Variants in PLCB4 observed in about 807,000 individuals in gnomAD.
The protein encoded by PLCB4 is 1-phosphatidylinositol 4,5-bisphosphate phosphodiesterase beta-4.
PLCB4 carries 77 observed loss-of-function variants against 178.8 expected under a neutral mutation model. That is an observed-to-expected ratio of 0.43 (90% CI 0.36 to 0.52). PLCB4 has a LOEUF of 0.52. Among genes scored for constraint, PLCB4 ranks in the 20% least tolerant of loss-of-function variants. PLCB4 has a pLI of 0.00. For missense variants in PLCB4, 1,024 were observed against 1,453.4 expected, an observed-to-expected ratio of 0.70 and a Z score of 4.80; for synonymous variants, 496 against 490.8, an observed-to-expected ratio of 1.01 and a Z score of -0.14.
At chr20:9,424,630 T>G (rs1190028911) in intron 28 of PLCB4, among the ~76,000 whole-genome samples, 1 of 152,208 alleles carries the variant, frequency 6.6e-6, no homozygotes, top group Non-Finnish European at 1.5e-5. Flanking sequence ...TACTCTCCAC[T>G]GCTGGCAGGG....
chr20:9,256,232 G>A (rs1677070998), intron 3 of PLCB4, among the ~76,000 whole-genome samples: 1 of 152,152 alleles, frequency 6.6e-6, no homozygotes, highest in African/African-American at 2.4e-5. Flanking sequence ...AGGCAGTCCA[G>A]AGCTGGTTCA....
intron 3 of PLCB4, among the ~76,000 whole-genome samples, chr20:9,288,708 A>G (rs1439682999): frequency 6.6e-6 from 1 of 152,024 alleles, no homozygotes; most frequent in Non-Finnish European, 1.5e-5. Context: ...CCACATGTGG[A>G]AAGAGGATCA....
chr20:9,142,994 C>G (rs531986450), intron 2 of PLCB4, among the ~76,000 whole-genome samples: 1 of 152,308 alleles, frequency 6.6e-6, no homozygotes, highest in East Asian at 1.9e-4. Context: ...CTTACACACA[C>G]TGGGCATGGC....
At chr20:9,301,275 C>G (rs1030696020) in intron 3 of PLCB4, among the ~76,000 whole-genome samples, 3 of 151,808 alleles carry the variant, frequency 2.0e-5, no homozygotes, top group Non-Finnish European at 2.9e-5. Context: ...TTTTGGGGGC[C>G]ATTTATTCAG....
intron 2 of PLCB4, among the ~76,000 whole-genome samples, chr20:9,197,878 G>C (rs1386830146): frequency 2.0e-5 from 3 of 152,178 alleles, no homozygotes; most frequent in Non-Finnish European, 2.9e-5. Context: ...GGGAGGCTGA[G>C]GCAGGAGAAT....
At chr20:9,301,770 T>C (rs1232231750) in intron 3 of PLCB4, among the ~76,000 whole-genome samples, 1 of 152,098 alleles carries the variant, frequency 6.6e-6, no homozygotes, top group Admixed American at 6.5e-5. Context: ...CAAGACCTTC[T>C]AGGACTCCCC....
chr20:9,222,679 AC>A (rs2093814483), intron 3 of PLCB4, among the ~76,000 whole-genome samples: 1 of 152,196 alleles, frequency 6.6e-6, no homozygotes, highest in South Asian at 2.1e-4. Context: ...TGGAGGTTTT[AC>A]CTTTTTTTGT....
intron 2 of PLCB4, among the ~76,000 whole-genome samples, chr20:9,170,948 C>T (rs140147585): frequency 1.2e-3 from 181 of 152,240 alleles, no homozygotes; most frequent in African/African-American, 4.1e-3. Context: ...ATGAGTTATA[C>T]CAGCACCATA....
At chr20:9,389,301 ACC>A (rs916772387) in intron 15 of PLCB4, among the ~76,000 whole-genome samples, 1 of 152,150 alleles carries the variant, frequency 6.6e-6, no homozygotes, top group Admixed American at 6.5e-5. Flanking sequence ...ACCAACGAGA[ACC>A]CCTTCCCCCG....
At chr20:9,305,561 TA>T (rs1202230441) in intron 3 of PLCB4, among the ~76,000 whole-genome samples, 6 of 152,286 alleles carry the variant, frequency 3.9e-5, no homozygotes, top group Non-Finnish European at 7.4e-5. Flanking sequence ...CATAGTACAA[TA>T]AAACTTAAGA....
intron 3 of PLCB4, among the ~76,000 whole-genome samples, chr20:9,251,888 A>G (rs1285974233): frequency 6.6e-6 from 1 of 152,214 alleles, no homozygotes; most frequent in Non-Finnish European, 1.5e-5. Context: ...TTATTAACCA[A>G]TATATTCATA....
intron 2 of PLCB4, among the ~76,000 whole-genome samples, chr20:9,126,205 AGTT>A (rs1169159072): frequency 6.6e-6 from 1 of 152,160 alleles, no homozygotes; most frequent in Non-Finnish European, 1.5e-5. Context: ...TTATTTAACA[AGTT>A]GTCTAATATT....
intron 2 of PLCB4, among the ~76,000 whole-genome samples, chr20:9,207,013 G>A (rs552678791): frequency 1.4e-4 from 21 of 152,256 alleles, no homozygotes; most frequent in African/African-American, 5.1e-4. Context: ...CTACTCGGGA[G>A]GCTGAGGCAG....
intron 2 of PLCB4, among the ~76,000 whole-genome samples, chr20:9,147,023 CT>C (rs2092610186): frequency 6.6e-6 from 1 of 152,074 alleles, no homozygotes; most frequent in African/African-American, 2.4e-5. Context: ...TGTTAATTTG[CT>C]TTTGAAGAGT....
chr20:9,150,598 C>T (rs913183492), intron 2 of PLCB4, among the ~76,000 whole-genome samples: 7 of 152,092 alleles, frequency 4.6e-5, no homozygotes, highest in Admixed American at 2.0e-4. Context: ...GCTAAACATG[C>T]ATCGTCTCGT....
At chr20:9,476,802 C>T (rs779400627) in intron 39 of PLCB4, 49 bp downstream of exon 39, 7 of 1,266,240 alleles carry the variant, frequency 5.5e-6, no homozygotes, top group Admixed American at 1.7e-5. Flanking sequence ...TTCTCGACTA[C>T]GTCCGTATTC....
chr20:9,130,128 T>G (rs1490184731), intron 2 of PLCB4, among the ~76,000 whole-genome samples: 1 of 152,170 alleles, frequency 6.6e-6, no homozygotes. Context: ...CAGCCGACAA[T>G]GTAAGTCAGA....
intron 2 of PLCB4, among the ~76,000 whole-genome samples, chr20:9,158,503 A>C (rs1288846898): frequency 6.7e-6 from 1 of 148,596 alleles, no homozygotes; most frequent in Admixed American, 6.7e-5. Context: ...TCCTGACCTC[A>C]TGTAATCCAC....
intron 2 of PLCB4, among the ~76,000 whole-genome samples, chr20:9,199,967 G>T (rs2093521660): frequency 6.9e-6 from 1 of 143,962 alleles, no homozygotes; most frequent in African/African-American, 2.6e-5. Context: ...AGCTCACTGG[G>T]AATATATTAC....
Sources: allele counts gnomAD v4.1 joint callset (sites outside exome capture counted in the v4.1 genomes callset), GRCh38; gene constraint gnomAD v4.1.1; transcripts MANE v1.5; gene names NCBI Gene and HGNC (gene_info 2026-07-23, HGNC 2026-07-21).